ZNF583: variants seen among roughly 807,000 people sequenced by gnomAD.
ZNF583 encodes zinc finger protein L3-5.
A neutral mutation model predicts 55.3 loss-of-function variants in ZNF583; 30 were observed. That is an observed-to-expected ratio of 0.54 (90% CI 0.41 to 0.74). The LOEUF is 0.74. ZNF583 is among the 30% of genes least tolerant of loss of function. The pLI is 0.00. For synonymous variants in ZNF583, 208 were observed against 220.0 expected (o/e 0.95, Z 0.48); for missense variants, 504 against 664.7 (o/e 0.76, Z 2.66).
rs540313583 is a variant in ZNF583 at position 56,410,239 on chromosome 19, A to G, written c.9+3116A>G. 9.2e-5 allele frequency among the ~76,000 whole-genome samples: 14 copies of G among 152,298 alleles called. No individual in the cohort carries two copies. In the South Asian group the frequency reaches 2.5e-3, roughly 27 times the overall value. On this transcript the variant is annotated intron_variant, in intron 2 of 4. Transcript: ENST00000333201. The stretch of plus-strand genomic sequence containing the variant: ...ACTCCCACCCTGAATTGTTTTTTCA[A>G]TTCAAAAACAATTTGACCGTATCGT...
chr19:56,415,325 G>A (rs2042303105), intron 4 of ZNF583, among the ~76,000 whole-genome samples: 1 of 151,988 alleles, frequency 6.6e-6, no homozygotes, highest in African/African-American at 2.4e-5. Context: ...ATTTGGCTGT[G>A]GACATAAGAG....
At chr19:56,421,170 GTGTGGGGTATAGCAATC>G (rs1297476034) in intron 4 of ZNF583, among the ~76,000 whole-genome samples, 1 of 152,160 alleles carries the variant, frequency 6.6e-6, no homozygotes, top group Admixed American at 6.5e-5. Context: ...AAAACTCTGT[GTGTGGGGTATAGCAATC>G]TGTAGTTTAG....
chr19:56,423,951 T>A lies in ZNF583; in HGVS notation c.1293T>A (p.Thr431=). Residue 431 remains threonine, a synonymous_variant, in exon 5 of 5, where the codon ACT becomes ACA. Transcript: ENST00000333201. The part of the protein sequence containing the change: ...AYLDQHQRVH[T]GEKPYECIEC... ...TTGATCAACATCAGAGGGTTCATACTGGAGAGAAACCCTATGAATGTATTG... is the reference window on the plus strand; with the variant it reads ...TTGATCAACATCAGAGGGTTCATACAGGAGAGAAACCCTATGAATGTATTG... 6.2e-7 allele frequency: 1 copy of A among 1,614,054 alleles called. No individual in the cohort carries two copies. The highest frequency in any genetic ancestry group is 8.5e-7 in the Non-Finnish European group (1 of 1,179,994).
In ZNF583 at chr19:56,425,744, A is replaced by G. The variant is rs1357518055; in HGVS notation, c.*1376A>G. On this transcript the variant is annotated 3_prime_UTR_variant, in exon 5 of 5. Coordinates refer to ENST00000333201, the MANE Select transcript of ZNF583 (RefSeq NM_152478.3). Reference sequence around the variant, plus strand: ...ATTACTAAAATTTCAAAACTAGTGAAGAAAAGAAACCAAAACTGTAGGTCA... The same window carrying G: ...ATTACTAAAATTTCAAAACTAGTGAGGAAAAGAAACCAAAACTGTAGGTCA... The G allele has an allele frequency of 6.6e-6, 1 of 152,210 alleles. No homozygotes were observed. The highest frequency in any genetic ancestry group is 1.9e-4 in the East Asian group (1 of 5,204). 9.4% of individuals were successfully genotyped at this position (152,210 alleles called of 1,614,324 possible).
At chr19:56,409,432 C>T (rs1246187860) in intron 2 of ZNF583, among the ~76,000 whole-genome samples, 1 of 152,112 alleles carries the variant, frequency 6.6e-6, no homozygotes, top group Non-Finnish European at 1.5e-5. Context: ...CAGGACCCCA[C>T]CCCAGACCTC....
In ZNF583 at chr19:56,423,029, G is replaced by A. The variant is rs1056034969; in HGVS notation, c.371G>A (p.Ser124Asn). The A allele has an allele frequency of 6.2e-7, 1 of 1,613,994 alleles. No homozygotes were observed. The highest frequency in any genetic ancestry group is 1.3e-5 in the African/African-American group (1 of 75,030). The change falls in exon 5 of 5, where the codon AGT (serine) becomes AAT (asparagine). Residue 124 changes from serine to asparagine, a missense_variant. Ser to Asn is a conservative substitution (Grantham distance 46). Coordinates refer to ENST00000333201, the MANE Select transcript of ZNF583 (RefSeq NM_152478.3). ...DYPSLREDCQ[S>N]EDWYKNQLGS... ...CCCAGTTTGAGAGAAGACTGTCAAA[G>A]TGAGGACTGGTATAAGAACCAGCTG...
chr19:56,413,943 G>A lies in ZNF583; in HGVS notation c.10-16G>A, dbSNP rs373273637. On this transcript the variant is annotated splice_polypyrimidine_tract_variant and intron_variant, in intron 2 of 4. Coordinates refer to ENST00000333201, the MANE Select transcript of ZNF583 (RefSeq NM_152478.3). ...ATGAACACTAGTTGAGCAAGAATGT[G>A]TTTATGTCATTTCAGGATTTGGTGA... 3.1e-6 allele frequency: 5 copies of A among 1,614,010 alleles called. No individual in the cohort carries two copies. Among genetic ancestry groups the A allele is most frequent in the Non-Finnish European group, 4.2e-6 (5 of 1,179,928 alleles).
Position 56,424,909 on chromosome 19 carries a change from C to G in ZNF583, c.*541C>G, listed in dbSNP as rs752257256. 6.5e-6 allele frequency: 1 copy of G among 153,720 alleles called. No individual in the cohort carries two copies. The highest frequency in any genetic ancestry group is 2.4e-5 in the African/African-American group (1 of 41,438). The allele number at this position is 153,720 out of a possible 1,614,324, so 9.5% of individuals were successfully genotyped here. ...ATAATGCATGTAAATTGCTCAGCAG[C>G]GTGCCTAGCATAAAGTAATTACTCA... On this transcript the variant is annotated 3_prime_UTR_variant, in exon 5 of 5. Coordinates refer to ENST00000333201, the MANE Select transcript of ZNF583 (RefSeq NM_152478.3).
chr19:56,412,694 A>C (rs2147571717), intron 2 of ZNF583, among the ~76,000 whole-genome samples: 1 of 152,342 alleles, frequency 6.6e-6, no homozygotes, highest in African/African-American at 2.4e-5. Context: ...ACACAGTCTC[A>C]GGAAAATTTT....
chr19:56,406,738 A>G (rs1023598293), intron 1 of ZNF583, among the ~76,000 whole-genome samples: 4 of 152,074 alleles, frequency 2.6e-5, no homozygotes, highest in Non-Finnish European at 2.9e-5. Context: ...CGTGTTAGCC[A>G]GGATGGTCTC....
intron 4 of ZNF583, among the ~76,000 whole-genome samples, chr19:56,415,156 G>C (rs914157245): frequency 6.6e-6 from 1 of 151,736 alleles, no homozygotes; most frequent in Non-Finnish European, 1.5e-5. Flanking sequence ...TTTATGTTTT[G>C]AGAAGAGGAT....
At position 56,419,195 on chromosome 19, in the gene ZNF583, C is replaced by CT. The variant is rs57785686; in HGVS notation, c.233-3677dup. ...TGTGCTACATTGGTCTGCAGGTTTA[C>CT]TTTTTTTTTTTTTTTTTTTGAGATG... On this transcript the variant is annotated intron_variant, in intron 4 of 4. Coordinates refer to ENST00000333201, the MANE Select transcript of ZNF583 (RefSeq NM_152478.3). 1.2e-3 allele frequency among the ~76,000 whole-genome samples: 135 copies of CT among 113,988 alleles called. 1 individual carries two copies. The highest frequency in any genetic ancestry group is 1.5e-3 in the African/African-American group (46 of 30,122). The allele number at this position is 113,988 out of a possible 152,430, so 74.8% of individuals were successfully genotyped here.
In ZNF583 at chr19:56,426,119, A is replaced by T. The variant is rs2042490770; in HGVS notation, c.*1751A>T. ...TGAATTAATTTACAGATTCTACCTA[A>T]CAAAATTCTAATAAATTTTGTAAGG... On this transcript the variant is annotated 3_prime_UTR_variant, in exon 5 of 5. Transcript: ENST00000333201. 1.3e-5 allele frequency: 2 copies of T among 152,224 alleles called. No homozygotes were observed. Among genetic ancestry groups the T allele is most frequent in the Non-Finnish European group, 2.9e-5 (2 of 68,030 alleles). The allele number at this position is 152,224 out of a possible 1,614,324, so 9.4% of individuals were successfully genotyped here.
chr19:56,421,432 G>A, intron 4 of ZNF583: 1 of 984,188 alleles, frequency 1.0e-6, no homozygotes, highest in Non-Finnish European at 1.2e-6. Flanking sequence ...TTTTTATAGG[G>A]CATTCATGGG....
chr19:56,424,129 C>A lies in ZNF583; in HGVS notation c.1471C>A (p.Pro491Thr). 6.2e-7 allele frequency: 1 copy of A among 1,612,146 alleles called. No homozygotes were observed. The highest frequency in any genetic ancestry group is 8.5e-7 in the Non-Finnish European group (1 of 1,178,582). Residue 491 changes from proline (P) to threonine (T), a missense_variant, in exon 5 of 5, where the codon CCT becomes ACT. Coordinates refer to ENST00000333201, the MANE Select transcript of ZNF583 (RefSeq NM_152478.3). ...QHQRIHTGEK[P>T]YECNVCGKAF... ...TCAGAGAATTCATACTGGAGAGAAA[C>A]CTTATGAATGTAATGTTTGTGGGAA...
At chr19:56,422,516 T>G (rs1600378642) in intron 4 of ZNF583, among the ~76,000 whole-genome samples, 2 of 152,288 alleles carry the variant, frequency 1.3e-5, no homozygotes, top group South Asian at 4.1e-4. Context: ...AGGCCTGGGA[T>G]TCCAATGGAG....
chr19:56,424,063 T>C lies in ZNF583; in HGVS notation c.1405T>C (p.Cys469Arg). 6.2e-7 allele frequency: 1 copy of C among 1,614,094 alleles called. No individual in the cohort carries two copies. The highest frequency in any genetic ancestry group is 8.5e-7 in the Non-Finnish European group (1 of 1,179,978). ...AGAAAAACCCTATATGTGTAAGGAA[T>C]GTAGGAAAACATTTAGCCAGAATGC... The part of the protein sequence containing the change: ...TGEKPYMCKE[C>R]RKTFSQNAGL... The change falls in exon 5 of 5, where the codon TGT (cysteine) becomes CGT (arginine). Residue 469 changes from cysteine (C) to arginine (R), a missense_variant. Transcript: ENST00000333201.
chr19:56,423,038 G>A lies in ZNF583; in HGVS notation c.380G>A (p.Trp127Ter). Reference protein sequence around the residue: ...SLREDCQSEDWYKNQLGSQEV... With the variant: ...SLREDCQSED ...AGAGAAGACTGTCAAAGTGAGGACTGGTATAAGAACCAGCTGGGAAGTCAA... is the reference window on the plus strand; with the variant it reads ...AGAGAAGACTGTCAAAGTGAGGACTAGTATAAGAACCAGCTGGGAAGTCAA... Residue 127 changes from tryptophan to a stop codon, truncating the protein, a stop_gained, in exon 5 of 5, where the codon TGG becomes TAG. Transcript: ENST00000333201. LOFTEE classifies it high-confidence loss of function. 1 of 1,613,922 alleles carries A rather than the reference G, an allele frequency of 6.2e-7. No individual in the cohort carries two copies. The highest frequency in any genetic ancestry group is 8.5e-7 in the Non-Finnish European group (1 of 1,179,936).
Position 56,424,212 on chromosome 19 carries a change from A to G in ZNF583, c.1554A>G (p.Arg518=), listed in dbSNP as rs777476157. The change falls in exon 5 of 5, where the codon AGA becomes AGG. Residue 518 remains arginine (R), a synonymous_variant. Transcript: ENST00000333201. Reference sequence around the variant, plus strand: ...ATCAGAGAATTCATACTGGAGAAAGACCCTATGAATGTAAAGATTGCAGGA... The same window carrying G: ...ATCAGAGAATTCATACTGGAGAAAGGCCCTATGAATGTAAAGATTGCAGGA... The part of the protein sequence containing the change: ...TLHQRIHTGE[R]PYECKDCRKS... The G allele has an allele frequency of 3.7e-6, 6 of 1,613,848 alleles. No individual in the cohort carries two copies. The highest frequency in any genetic ancestry group is 1.1e-5 in the South Asian group (1 of 91,086).
Sources: gnomAD v4.1 joint callset for allele counts (sites outside exome capture counted in the v4.1 genomes callset) on GRCh38, gnomAD v4.1.1 for gene constraint, MANE v1.5 for transcripts, NCBI Gene and HGNC (gene_info 2026-07-23, HGNC 2026-07-21) for gene names.